The following NCALD variants were observed in gnomAD, a reference collection of about 807,000 sequenced individuals.
NCALD encodes neurocalcin delta, also known as neurocalcin-delta.
A neutral mutation model predicts 18.6 loss-of-function variants in NCALD; 10 were observed. The ratio of observed to expected loss-of-function variants is 0.54; its 90% CI spans 0.33 to 0.91. The LOEUF is 0.91. Among genes scored for constraint, NCALD ranks in the 40% least tolerant of loss-of-function variants. The pLI, the probability that NCALD is intolerant of heterozygous loss-of-function variation, is 0.03. For missense variants in NCALD, 184 were observed against 247.6 expected, an observed-to-expected ratio of 0.74 and a Z score of 1.72; for synonymous variants, 88 against 87.4, an observed-to-expected ratio of 1.01 and a Z score of -0.04.
chr8:102,026,015 T>C (rs1822442216), intron 1 of NCALD, among the ~76,000 whole-genome samples: 1 of 152,094 alleles, frequency 6.6e-6, no homozygotes, highest in African/African-American at 2.4e-5. Context: ...GAAAGTCCCT[T>C]ATAAAACCAT....
intron 1 of NCALD, among the ~76,000 whole-genome samples, chr8:102,105,106 GGCCA>G (rs1825403476): frequency 6.6e-6 from 1 of 152,110 alleles, no homozygotes; most frequent in Non-Finnish European, 1.5e-5. Flanking sequence ...CCTTGATACG[GGCCA>G]GCCTTTGCCT....
At chr8:101,981,566 T>G (rs1820619258) in intron 2 of NCALD, among the ~76,000 whole-genome samples, 1 of 152,220 alleles carries the variant, frequency 6.6e-6, no homozygotes, top group Non-Finnish European at 1.5e-5. Flanking sequence ...CAAGTGCAAT[T>G]AACAGTACTG....
intron 2 of NCALD, among the ~76,000 whole-genome samples, chr8:101,695,617 C>G (rs1487832401): frequency 6.6e-6 from 1 of 152,170 alleles, no homozygotes; most frequent in African/African-American, 2.4e-5. Context: ...TGTTACCCTC[C>G]TCCAGGAAGC....
chr8:101,804,497 A>G (rs1813004103), intron 4 of NCALD, among the ~76,000 whole-genome samples: 1 of 116,008 alleles, frequency 8.6e-6, no homozygotes, highest in Non-Finnish European at 1.5e-5. Flanking sequence ...TATAATTAAT[A>G]TAATTAATTA....
intron 3 of NCALD, chr8:101,690,292 T>C (rs1814664978): frequency 1.0e-6 from 1 of 985,238 alleles, no homozygotes; most frequent in Non-Finnish European, 1.2e-6. Flanking sequence ...ACCCCGCCCC[T>C]GGGAGTGAAG....
chr8:101,871,903 A>C, intron 4 of NCALD: 1 of 688,312 alleles, frequency 1.5e-6, no homozygotes. Flanking sequence ...TACACCTTCA[A>C]TCGGCTTCTT....
At chr8:102,099,877 C>G (rs1440735078) in intron 1 of NCALD, among the ~76,000 whole-genome samples, 1 of 151,370 alleles carries the variant, frequency 6.6e-6, no homozygotes, top group Non-Finnish European at 1.5e-5. Context: ...GAGGCTGAGA[C>G]AGGAGAATCA....
chr8:101,988,502 G>A (rs1313814765), intron 2 of NCALD, among the ~76,000 whole-genome samples: 1 of 152,136 alleles, frequency 6.6e-6, no homozygotes, highest in African/African-American at 2.4e-5. Flanking sequence ...CTAAAACATG[G>A]AGTTGATCAT....
At chr8:101,929,263 G>GGAAGGGAT (rs1285540671) in intron 2 of NCALD, among the ~76,000 whole-genome samples, 1 of 72,612 alleles carries the variant, frequency 1.4e-5, no homozygotes, top group Admixed American at 1.4e-4. Context: ...AAGGGATGGA[G>GGAAGGGAT]GAAGGGATGG....
At chr8:101,888,904 T>C (rs562949067) in intron 3 of NCALD, among the ~76,000 whole-genome samples, 2 of 152,268 alleles carry the variant, frequency 1.3e-5, no homozygotes, top group South Asian at 4.1e-4. Flanking sequence ...GGGAAGACAT[T>C]GCCAGTTGCC....
At chr8:101,718,087 C>T (rs1381500864) in intron 2 of NCALD, among the ~76,000 whole-genome samples, 2 of 152,126 alleles carry the variant, frequency 1.3e-5, no homozygotes, top group African/African-American at 4.8e-5. Flanking sequence ...CTTTCCTTTG[C>T]AGTCTTCTTA....
intron 2 of NCALD, among the ~76,000 whole-genome samples, chr8:102,004,297 A>C (rs558966737): frequency 6.6e-6 from 1 of 152,344 alleles, no homozygotes; most frequent in African/African-American, 2.4e-5. Flanking sequence ...AAAGAGAATA[A>C]AATACTTAGG....
At chr8:101,789,359 A>G (rs1291724268) in intron 1 of NCALD, among the ~76,000 whole-genome samples, 2 of 152,210 alleles carry the variant, frequency 1.3e-5, no homozygotes, top group African/African-American at 4.8e-5. Context: ...ATGAAAGCAC[A>G]TTAGACTTTT....
chr8:101,713,023 T>C (rs575114191), intron 2 of NCALD, among the ~76,000 whole-genome samples: 38 of 152,096 alleles, frequency 2.5e-4, no homozygotes, highest in Non-Finnish European at 3.8e-4. Flanking sequence ...GAACACATAA[T>C]TGAAAGTAAA....
intron 2 of NCALD, among the ~76,000 whole-genome samples, chr8:101,714,170 C>T (rs557329577): frequency 4.7e-4 from 71 of 152,178 alleles, no homozygotes; most frequent in Non-Finnish European, 7.6e-4. Context: ...AGAAATAAAG[C>T]GTATTCAAAT....
chr8:101,713,852 A>G (rs1815934113), intron 2 of NCALD, among the ~76,000 whole-genome samples: 1 of 152,236 alleles, frequency 6.6e-6, no homozygotes, highest in South Asian at 2.1e-4. Flanking sequence ...TACCAGAGGT[A>G]CAAAGAGGAG....
At chr8:102,028,286 AG>A (rs764745641) in intron 1 of NCALD, among the ~76,000 whole-genome samples, 5 of 152,246 alleles carry the variant, frequency 3.3e-5, no homozygotes, top group Non-Finnish European at 7.3e-5. Flanking sequence ...AGCAAGAGAA[AG>A]AAAGCAAATG....
At chr8:101,690,219 G>T in intron 3 of NCALD, 2 of 983,866 alleles carry the variant, frequency 2.0e-6, no homozygotes, top group Non-Finnish European at 2.4e-6. Context: ...TGGGGTAGGA[G>T]TTGGGGGACT....
At chr8:101,702,536 T>C (rs1815316580) in intron 2 of NCALD, among the ~76,000 whole-genome samples, 2 of 152,174 alleles carry the variant, frequency 1.3e-5, no homozygotes, top group Admixed American at 1.3e-4. Context: ...AACTAGATAC[T>C]ATGATTCTTA....
Sources: allele counts gnomAD v4.1 joint callset (sites outside exome capture counted in the v4.1 genomes callset), GRCh38; gene constraint gnomAD v4.1.1; transcripts MANE v1.5; gene names NCBI Gene and HGNC (gene_info 2026-07-23, HGNC 2026-07-21).